The following CSMD3 variants were observed in gnomAD, a reference collection of about 807,000 sequenced individuals.
CSMD3 encodes CUB and Sushi multiple domains 3.
CSMD3 carries 177 observed loss-of-function variants against 435.2 expected under a neutral mutation model. The observed-to-expected ratio is 0.41, with a 90% confidence interval of 0.36 to 0.46. CSMD3 has a LOEUF of 0.46. Ranked by LOEUF, CSMD3 falls within the 20% of genes least tolerant of loss-of-function variation. The pLI, the probability that CSMD3 is intolerant of heterozygous loss-of-function variation, is 0.34. For synonymous variants in CSMD3, 1,656 were observed against 1,520.5 expected, an observed-to-expected ratio of 1.09 and a Z score of -2.07; for missense variants, 4,265 against 4,504.6, an observed-to-expected ratio of 0.95 and a Z score of 1.52.
At chr8:112,494,351 T>C (rs1475310757) in intron 30 of CSMD3, among the ~76,000 whole-genome samples, 1 of 151,662 alleles carries the variant, frequency 6.6e-6, no homozygotes, top group African/African-American at 2.4e-5. Flanking sequence ...TCTTTCGTTC[T>C]TTCTTTCTAC....
chr8:112,955,034 T>C (rs1193660491), intron 7 of CSMD3, among the ~76,000 whole-genome samples: 1 of 151,596 alleles, frequency 6.6e-6, no homozygotes, highest in Non-Finnish European at 1.5e-5. Flanking sequence ...CAGATTTTTA[T>C]ATAAAAGTGA....
chr8:113,325,394 T>C (rs1051523177), intron 1 of CSMD3, among the ~76,000 whole-genome samples: 2 of 152,168 alleles, frequency 1.3e-5, no homozygotes, highest in Admixed American at 6.5e-5. Context: ...ACTAATGGTA[T>C]TATATGAGGC....
At chr8:113,356,247 A>C (rs2094226843) in intron 1 of CSMD3, among the ~76,000 whole-genome samples, 1 of 152,146 alleles carries the variant, frequency 6.6e-6, no homozygotes, top group Admixed American at 6.5e-5. Context: ...GTTTACCCCC[A>C]GTTTTAGTGC....
intron 27 of CSMD3, among the ~76,000 whole-genome samples, chr8:112,518,303 C>A (rs1173616351): frequency 1.3e-5 from 2 of 151,500 alleles, no homozygotes; most frequent in Non-Finnish European, 2.9e-5. Context: ...GAGTTTGAGA[C>A]CAGCCTGGGC....
intron 13 of CSMD3, among the ~76,000 whole-genome samples, chr8:112,796,901 T>C (rs1437504817): frequency 3.3e-5 from 5 of 152,044 alleles, no homozygotes; most frequent in Non-Finnish European, 7.4e-5. Context: ...GTTGGTGGCA[T>C]TTTATTCATT....
intron 10 of CSMD3, among the ~76,000 whole-genome samples, chr8:112,910,893 T>C (rs540969406): frequency 6.6e-6 from 1 of 152,040 alleles, no homozygotes; most frequent in East Asian, 2.0e-4. Context: ...GGTTGTTGAA[T>C]TTAATTTATT....
At chr8:112,887,776 T>A (rs894463275) in intron 10 of CSMD3, among the ~76,000 whole-genome samples, 3 of 150,752 alleles carry the variant, frequency 2.0e-5, no homozygotes. Flanking sequence ...GAACTTAGGA[T>A]TGTCGTAAAT....
intron 28 of CSMD3, among the ~76,000 whole-genome samples, chr8:112,515,665 C>T (rs1823594259): frequency 6.6e-6 from 1 of 151,892 alleles, no homozygotes; most frequent in Admixed American, 6.6e-5. Flanking sequence ...CAAGTGATGC[C>T]ATTATTTCAT....
At chr8:112,585,114 C>T (rs543720098) in intron 23 of CSMD3, among the ~76,000 whole-genome samples, 2 of 151,538 alleles carry the variant, frequency 1.3e-5, no homozygotes, top group East Asian at 3.9e-4. Flanking sequence ...ATGAAGAAGA[C>T]AAATAAGGAA....
At chr8:113,170,773 A>G (rs1387359266) in intron 4 of CSMD3, among the ~76,000 whole-genome samples, 1 of 152,186 alleles carries the variant, frequency 6.6e-6, no homozygotes, top group African/African-American at 2.4e-5. Context: ...ATAAATACAT[A>G]CAAATCAGTA....
At chr8:112,327,357 T>C (rs1245967984) in intron 45 of CSMD3, among the ~76,000 whole-genome samples, 1 of 152,116 alleles carries the variant, frequency 6.6e-6, no homozygotes, top group African/African-American at 2.4e-5. Context: ...TTAGAAATCA[T>C]TTCTCCTAGA....
intron 3 of CSMD3, among the ~76,000 whole-genome samples, chr8:113,217,489 C>T (rs957137448): frequency 6.6e-6 from 1 of 151,460 alleles, no homozygotes; most frequent in South Asian, 2.1e-4. Flanking sequence ...AATTAGTTAA[C>T]AAATAATGAA....
chr8:112,386,629 C>A (rs1204827006), intron 36 of CSMD3, among the ~76,000 whole-genome samples: 1 of 152,076 alleles, frequency 6.6e-6, no homozygotes, highest in African/African-American at 2.4e-5. Context: ...TCCCGAGTAG[C>A]TGGGACTACA....
At chr8:113,358,765 A>G (rs1219786814) in intron 1 of CSMD3, among the ~76,000 whole-genome samples, 1 of 152,130 alleles carries the variant, frequency 6.6e-6, no homozygotes, top group Non-Finnish European at 1.5e-5. Flanking sequence ...AATGCTTCTA[A>G]AGAAGCATCT....
chr8:113,056,079 A>G (rs1393200041), intron 5 of CSMD3, among the ~76,000 whole-genome samples: 2 of 152,214 alleles, frequency 1.3e-5, no homozygotes, highest in Non-Finnish European at 2.9e-5. Context: ...GAGGAAAAAT[A>G]TCACCAAACA....
chr8:113,368,127 A>G (rs2094324659), intron 1 of CSMD3, among the ~76,000 whole-genome samples: 1 of 152,140 alleles, frequency 6.6e-6, no homozygotes, highest in African/African-American at 2.4e-5. Context: ...CTTTTCTCAC[A>G]TAATTTTGGC....
chr8:112,608,854 A>G (rs906942608), intron 22 of CSMD3, among the ~76,000 whole-genome samples: 12 of 152,172 alleles, frequency 7.9e-5, no homozygotes, highest in Admixed American at 5.2e-4. Context: ...ACTCCAAATG[A>G]ATTGAAGACT....
At chr8:112,306,930 A>G (rs1463559082) in intron 50 of CSMD3, among the ~76,000 whole-genome samples, 1 of 151,994 alleles carries the variant, frequency 6.6e-6, no homozygotes, top group Non-Finnish European at 1.5e-5. Flanking sequence ...TTTGTTGTAT[A>G]TATTTTATAC....
chr8:112,700,805 T>G (rs780183880), intron 13 of CSMD3, among the ~76,000 whole-genome samples: 4 of 152,124 alleles, frequency 2.6e-5, no homozygotes, highest in Non-Finnish European at 5.9e-5. Flanking sequence ...AGGGGCTGGA[T>G]AGCAGCATCA....
Sources: gnomAD v4.1 joint callset for allele counts (sites outside exome capture counted in the v4.1 genomes callset) on GRCh38, gnomAD v4.1.1 for gene constraint, MANE v1.5 for transcripts, NCBI Gene and HGNC (gene_info 2026-07-23, HGNC 2026-07-21) for gene names.